NELL2: variants seen among roughly 807,000 people sequenced by gnomAD.
NELL2 encodes neural EGFL like 2, also known as protein kinase C-binding protein NELL2.
NELL2 carries 41 observed loss-of-function variants against 109.6 expected under a neutral mutation model. That is an observed-to-expected ratio of 0.37 (90% CI 0.29 to 0.49). The LOEUF is 0.49. Ranked by LOEUF, NELL2 falls within the 20% of genes least tolerant of loss-of-function variation. NELL2 has a pLI of 0.98. For synonymous variants in NELL2, 355 were observed against 344.7 expected (o/e 1.03, Z -0.33); for missense variants, 900 against 1,008.3 (o/e 0.89, Z 1.45).
intron 15 of NELL2, among the ~76,000 whole-genome samples, chr12:44,546,833 A>G (rs1363215240): frequency 1.3e-5 from 2 of 152,166 alleles, no homozygotes; most frequent in Admixed American, 1.3e-4. Context: ...TGTGTACTTG[A>G]GTAATGTATC....
chr12:44,876,965 G>A (rs1352718880), upstream of NELL2: 21 of 1,074,356 alleles, frequency 2.0e-5, no homozygotes, highest in Non-Finnish European at 2.3e-5. Flanking sequence ...CCCGGGCGCG[G>A]AGAGCGCAGA....
intron 3 of NELL2, among the ~76,000 whole-genome samples, chr12:44,806,086 T>C (rs1942988893): frequency 6.6e-6 from 1 of 150,440 alleles, no homozygotes; most frequent in Admixed American, 6.7e-5. Context: ...TTGACTAGAC[T>C]GCACATCATT....
chr12:44,811,953 A>G (rs1222104988), intron 3 of NELL2, among the ~76,000 whole-genome samples: 1 of 152,060 alleles, frequency 6.6e-6, no homozygotes, highest in Non-Finnish European at 1.5e-5. Flanking sequence ...TGCTCAGAAG[A>G]AGCGTCACAA....
chr12:44,911,068 G>A (rs1195215078), intron 1 of NELL2, among the ~76,000 whole-genome samples: 6 of 151,944 alleles, frequency 3.9e-5, no homozygotes, highest in Non-Finnish European at 7.4e-5. Flanking sequence ...CTAAGTGACA[G>A]GATCATGCAT....
At chr12:44,778,180 A>G (rs886398125) in intron 5 of NELL2, among the ~76,000 whole-genome samples, 1 of 152,232 alleles carries the variant, frequency 6.6e-6, no homozygotes, top group African/African-American at 2.4e-5. Context: ...GATAGGAATA[A>G]CTGTACCAAC....
intron 3 of NELL2, among the ~76,000 whole-genome samples, chr12:44,786,418 A>G (rs1942172940): frequency 6.6e-6 from 1 of 152,192 alleles, no homozygotes; most frequent in South Asian, 2.1e-4. Flanking sequence ...ATGATTTTAC[A>G]TTGTTGATGG....
chr12:44,818,989 G>A (rs1414436581), intron 2 of NELL2, among the ~76,000 whole-genome samples: 2 of 151,730 alleles, frequency 1.3e-5, no homozygotes, highest in African/African-American at 2.4e-5. Context: ...TGATCCACCC[G>A]CCTCGGCCTC....
intron 15 of NELL2, among the ~76,000 whole-genome samples, chr12:44,589,039 C>T (rs1301102333): frequency 6.6e-6 from 1 of 152,110 alleles, no homozygotes; most frequent in Non-Finnish European, 1.5e-5. Context: ...ATAAGGGGTA[C>T]CATTAACTCC....
chr12:44,814,387 A>G (rs7963721), intron 3 of NELL2, among the ~76,000 whole-genome samples: 54,117 of 152,058 alleles, frequency 0.36, 9,977 homozygotes, highest in South Asian at 0.5. Flanking sequence ...TGTTCTGCAA[A>G]TGAACAATCT....
At chr12:44,850,395 C>A (rs931253039) in intron 2 of NELL2, among the ~76,000 whole-genome samples, 8 of 151,978 alleles carry the variant, frequency 5.3e-5, no homozygotes, top group African/African-American at 1.7e-4. Flanking sequence ...ATTCCATTCA[C>A]TTATTAGTAA....
chr12:44,701,078 A>G (rs1949212959), intron 12 of NELL2, among the ~76,000 whole-genome samples: 1 of 152,138 alleles, frequency 6.6e-6, no homozygotes, highest in African/African-American at 2.4e-5. Flanking sequence ...GACCAAATAT[A>G]TACCATGCAA....
chr12:44,534,222 A>G (rs961276654), intron 15 of NELL2, among the ~76,000 whole-genome samples: 2 of 152,168 alleles, frequency 1.3e-5, no homozygotes, highest in South Asian at 2.1e-4. Flanking sequence ...GTAAAAAAAA[A>G]TCAGAGAAAT....
intron 13 of NELL2, among the ~76,000 whole-genome samples, chr12:44,629,107 T>C (rs545219701): frequency 1.4e-4 from 22 of 152,266 alleles, no homozygotes; most frequent in African/African-American, 4.8e-4. Context: ...TCCATTCCAC[T>C]GTATTAATTT....
intron 14 of NELL2, among the ~76,000 whole-genome samples, chr12:44,607,648 A>G (rs1459190532): frequency 2.6e-5 from 4 of 152,118 alleles, no homozygotes; most frequent in African/African-American, 9.7e-5. Context: ...CGAGACCATG[A>G]AACAGGAAAT....
At chr12:44,674,890 T>A (rs632893) in intron 12 of NELL2, among the ~76,000 whole-genome samples, 43,603 of 152,082 alleles carry the variant, frequency 0.29, 6,491 homozygotes, top group East Asian at 0.49. Flanking sequence ...AAGTTTTTTT[T>A]AATATATCTG....
At chr12:44,702,389 A>G (rs1263515895) in intron 12 of NELL2, among the ~76,000 whole-genome samples, 1 of 152,136 alleles carries the variant, frequency 6.6e-6, no homozygotes, top group Non-Finnish European at 1.5e-5. Context: ...CTAAATATTT[A>G]TTACATGATC....
intron 9 of NELL2, among the ~76,000 whole-genome samples, chr12:44,747,110 T>C (rs1323740717): frequency 6.6e-6 from 1 of 152,206 alleles, no homozygotes; most frequent in African/African-American, 2.4e-5. Context: ...CATGGAATAC[T>C]ATGCAGCCAT....
chr12:44,598,315 T>C (rs1427134603), intron 15 of NELL2, among the ~76,000 whole-genome samples: 2 of 151,930 alleles, frequency 1.3e-5, no homozygotes, highest in African/African-American at 2.4e-5. Flanking sequence ...ACACTGACCA[T>C]AGATGAGAAC....
At chr12:44,665,666 T>A in intron 12 of NELL2, 57 bp from the exon 13 acceptor site, 5 of 1,496,336 alleles carry the variant, frequency 3.3e-6, no homozygotes, top group Non-Finnish European at 4.5e-6. Flanking sequence ...GGAGCTCCTA[T>A]ATAATTTTCT....
Sources: gnomAD v4.1 joint callset for allele counts (sites outside exome capture counted in the v4.1 genomes callset) on GRCh38, gnomAD v4.1.1 for gene constraint, MANE v1.5 for transcripts, NCBI Gene and HGNC (gene_info 2026-07-23, HGNC 2026-07-21) for gene names.